The following PLXNA2 variants were observed in gnomAD, a reference collection of about 807,000 sequenced individuals.
PLXNA2 encodes plexin A2.
PLXNA2 carries 91 observed loss-of-function variants against 193.5 expected under a neutral mutation model. That is an observed-to-expected ratio of 0.47 (90% CI 0.40 to 0.56). The LOEUF (loss-of-function observed/expected upper bound fraction) is 0.56. Among genes scored for constraint, PLXNA2 ranks in the 20% least tolerant of loss-of-function variants. The pLI, the probability that PLXNA2 is intolerant of heterozygous loss-of-function variation, is 0.00. For synonymous variants in PLXNA2, 997 were observed against 1,027.3 expected (o/e 0.97, Z 0.56); for missense variants, 1,995 against 2,503.2 (o/e 0.80, Z 4.33).
intron 3 of PLXNA2, among the ~76,000 whole-genome samples, chr1:208,198,261 C>A (rs1314792278): frequency 6.6e-6 from 1 of 152,174 alleles, no homozygotes; most frequent in African/African-American, 2.4e-5. Flanking sequence ...AAAATGACTC[C>A]ATTTCTCAGT....
intron 3 of PLXNA2, among the ~76,000 whole-genome samples, chr1:208,192,369 A>T (rs1240376972): frequency 6.6e-6 from 1 of 151,972 alleles, no homozygotes; most frequent in Admixed American, 6.6e-5. Flanking sequence ...ACTGTGGTGC[A>T]GGTATGCCTA....
chr1:208,174,198 C>T (rs1669586867), intron 3 of PLXNA2, among the ~76,000 whole-genome samples: 2 of 152,170 alleles, frequency 1.3e-5, no homozygotes, highest in South Asian at 4.1e-4. Context: ...CACTGGCAGA[C>T]CTCAGCTCCT....
chr1:208,103,073 G>T, intron 5 of PLXNA2, 74 bp downstream of exon 5: 1 of 966,084 alleles, frequency 1.0e-6, no homozygotes, highest in Non-Finnish European at 1.7e-6. Flanking sequence ...GCAAAGTACT[G>T]TCATATCCCA....
chr1:208,066,738 T>C (rs1207492569), intron 12 of PLXNA2, among the ~76,000 whole-genome samples: 2 of 152,184 alleles, frequency 1.3e-5, no homozygotes, highest in African/African-American at 4.8e-5. Context: ...ATTGTCATCA[T>C]AGGAGACGAC....
At position 208,075,598 on chromosome 1, in the gene PLXNA2, T is replaced by C. The variant is rs946687142; in HGVS notation, c.2586+3662A>G. 2.0e-5 allele frequency among the ~76,000 whole-genome samples: 3 copies of C among 152,234 alleles called. No individual in the cohort carries two copies. The East Asian group carries it at 5.8e-4, about 29-fold the overall frequency. On this transcript the variant is annotated intron_variant, in intron 12 of 31. Transcript: ENST00000367033. ...GGTTATGTAAATATCCTATTTCTCATCATACTTTCATCTACTAATTTTAGT... is the reference window on the plus strand; with the variant it reads ...GGTTATGTAAATATCCTATTTCTCACCATACTTTCATCTACTAATTTTAGT...
intron 3 of PLXNA2, among the ~76,000 whole-genome samples, chr1:208,207,971 T>C (rs1670790343): frequency 1.3e-5 from 2 of 152,250 alleles, no homozygotes; most frequent in Admixed American, 1.3e-4. Flanking sequence ...GCTTTGCCCT[T>C]GAACCTGCTG....
intron 12 of PLXNA2, among the ~76,000 whole-genome samples, chr1:208,071,716 G>A (rs1665983745): frequency 6.6e-6 from 1 of 152,206 alleles, no homozygotes; most frequent in Admixed American, 6.5e-5. Context: ...TATTCATCCT[G>A]ACACCATCCC....
At chr1:208,036,624 GCAT>G (rs907478265) in intron 26 of PLXNA2, among the ~76,000 whole-genome samples, 4 of 152,096 alleles carry the variant, frequency 2.6e-5, no homozygotes, top group African/African-American at 7.2e-5. Flanking sequence ...GCTATTATGA[GCAT>G]CATCATCATC....
chr1:208,080,523 G>A (rs1305374332), intron 11 of PLXNA2, among the ~76,000 whole-genome samples: 2 of 152,108 alleles, frequency 1.3e-5, no homozygotes, highest in Non-Finnish European at 2.9e-5. Context: ...AGGACCAGGT[G>A]GTATGCCGTT....
intron 6 of PLXNA2, among the ~76,000 whole-genome samples, chr1:208,097,971 C>A (rs1391185110): frequency 6.6e-6 from 1 of 152,112 alleles, no homozygotes; most frequent in Non-Finnish European, 1.5e-5. Flanking sequence ...TCCCAAAGTG[C>A]TAGGATTACA....
intron 5 of PLXNA2, among the ~76,000 whole-genome samples, chr1:208,102,859 T>A (rs1667140375): frequency 6.6e-6 from 1 of 152,182 alleles, no homozygotes; most frequent in African/African-American, 2.4e-5. Flanking sequence ...CAGTATCCCT[T>A]GTGAGTTCTT....
intron 9 of PLXNA2, among the ~76,000 whole-genome samples, chr1:208,086,051 C>T (rs562390167): frequency 2.5e-4 from 38 of 152,160 alleles, no homozygotes; most frequent in African/African-American, 7.5e-4. Context: ...TCTGCAAGGC[C>T]GTCCCTGCCC....
chr1:208,198,566 G>T (rs577551645), intron 3 of PLXNA2, among the ~76,000 whole-genome samples: 1 of 152,236 alleles, frequency 6.6e-6, no homozygotes, highest in East Asian at 1.9e-4. Flanking sequence ...CCCAGGCCGA[G>T]AGGGATGGGA....
rs746894614 is a variant in PLXNA2 at position 208,031,579 on chromosome 1, C to T, written c.5225+11G>A. 42 of 1,613,902 alleles carry T rather than the reference C, an allele frequency of 2.6e-5. No homozygotes were observed. In the Middle Eastern group the frequency reaches 4.9e-4, roughly 19 times the overall value. On this transcript the variant is annotated intron_variant, in intron 29 of 31. Coordinates refer to ENST00000367033, the MANE Select transcript of PLXNA2 (RefSeq NM_025179.4). The stretch of plus-strand genomic sequence containing the variant: ...AGGCTGCACCTCCTGCTGAGCTCCC[C>T]GAGGGTTTACCAGTTGCTTTTCCAG...
At chr1:208,049,630 G>A (rs975251897) in intron 17 of PLXNA2, among the ~76,000 whole-genome samples, 2 of 152,188 alleles carry the variant, frequency 1.3e-5, no homozygotes, top group African/African-American at 4.8e-5. Context: ...GGATGTTTGG[G>A]ATCCACCTTG....
At chr1:208,137,690 G>T (rs1011054267) in intron 4 of PLXNA2, among the ~76,000 whole-genome samples, 1 of 152,182 alleles carries the variant, frequency 6.6e-6, no homozygotes, top group African/African-American at 2.4e-5. Context: ...GCCGGTCTTA[G>T]ATCTATTAAC....
intron 17 of PLXNA2, among the ~76,000 whole-genome samples, chr1:208,049,621 G>A (rs189249912): frequency 6.3e-4 from 96 of 152,322 alleles, no homozygotes; most frequent in African/African-American, 2.3e-3. Context: ...GAAGAGTCTG[G>A]ATGTTTGGGA....
chr1:208,072,765 G>T (rs4844635), intron 12 of PLXNA2, among the ~76,000 whole-genome samples: 36,168 of 152,142 alleles, frequency 0.24, 4,418 homozygotes, highest in Admixed American at 0.3. Context: ...ACTCATAGGA[G>T]TAAGTGTGGA....
At chr1:208,093,335 G>A (rs1223775842) in intron 8 of PLXNA2, among the ~76,000 whole-genome samples, 1 of 152,116 alleles carries the variant, frequency 6.6e-6, no homozygotes, top group Non-Finnish European at 1.5e-5. Context: ...GTAAAGACAG[G>A]GTAGCCGGCA....
Sources: gnomAD v4.1 joint callset for allele counts (sites outside exome capture counted in the v4.1 genomes callset) on GRCh38, gnomAD v4.1.1 for gene constraint, MANE v1.5 for transcripts, NCBI Gene and HGNC (gene_info 2026-07-23, HGNC 2026-07-21) for gene names.